The following NLRP7 variants were observed in gnomAD, a reference collection of about 807,000 sequenced individuals.
NLRP7 encodes the protein NLR family pyrin domain containing 7.
NLRP7 carries 72 observed loss-of-function variants against 85.5 expected under a neutral mutation model. The ratio of observed to expected loss-of-function variants is 0.84; its 90% CI spans 0.70 to 1.02. The LOEUF (loss-of-function observed/expected upper bound fraction) is 1.02. NLRP7 is among the 50% of genes least tolerant of loss of function. NLRP7 has a pLI of 0.00. For missense variants in NLRP7, 1,243 were observed against 1,219.5 expected, an observed-to-expected ratio of 1.02 and a Z score of -0.29; for synonymous variants, 550 against 505.2, an observed-to-expected ratio of 1.09 and a Z score of -1.19.
In NLRP7 at chr19:54,930,506, G is replaced by A. The variant is rs1476636367; in HGVS notation, c.2803C>T (p.His935Tyr). 1.2e-6 allele frequency: 2 copies of A among 1,605,354 alleles called. No homozygotes were observed. Among genetic ancestry groups the A allele is most frequent in the Admixed American group, 3.3e-5 (2 of 59,974 alleles). The change falls in exon 9 of 10, where the codon CAC becomes TAC. Residue 935 changes from histidine (H) to tyrosine (Y), a missense_variant. Coordinates refer to ENST00000340844, the Ensembl canonical transcript of NLRP7. ...AAAAAGAAAATCGCCTACCGTAGGT[G>A]TTTTAGGTTACAGTTTGGATTCTCT...
chr19:54,943,387 G>A (rs935260801), intron 1 of NLRP7, among the ~76,000 whole-genome samples: 1 of 152,100 alleles, frequency 6.6e-6, no homozygotes, highest in Non-Finnish European at 1.5e-5. Context: ...GGATCACGAG[G>A]TCAGGAGATC....
At chr19:54,954,993 A>G (rs950858499) in intron 1 of NLRP7, among the ~76,000 whole-genome samples, 1 of 152,062 alleles carries the variant, frequency 6.6e-6, no homozygotes, top group Admixed American at 6.6e-5. Flanking sequence ...ATGAGATTCA[A>G]GAACCCACCA....
rs142522707 is a variant in NLRP7 at position 54,933,714 on chromosome 19, C to T, written c.2497G>A (p.Ala833Thr). The T allele has an allele frequency of 6.1e-5, 99 of 1,614,166 alleles. No homozygotes were observed. In the African/African-American group the frequency reaches 1.2e-3, roughly 19 times the overall value. ...ACAGCAGCAAGGTCCTTGCAACTGG[C>T]TTCTGTAAGACGACAGTTTTCCAAC... is the stretch of plus-strand genomic sequence containing the variant. The change falls in exon 8 of 10, where the codon GCC (alanine) becomes ACC (threonine). Residue 833 changes from alanine (A) to threonine (T), a missense_variant. Physicochemically the swap from Ala to Thr is moderately conservative, Grantham distance 58. Around this residue, in one of 3 missense-constraint regions of NLRP7, gnomAD observed 613 missense variants for 588.4 expected, o/e 1.04. Transcript: ENST00000340844.
chr19:54,929,556 G>A (rs923753412), intron 9 of NLRP7, among the ~76,000 whole-genome samples: 1 of 152,084 alleles, frequency 6.6e-6, no homozygotes, highest in African/African-American at 2.4e-5. Context: ...TTCCATTTGT[G>A]GAGACTTTGC....
chr19:54,943,169 G>A (rs1049462966), intron 1 of NLRP7, among the ~76,000 whole-genome samples: 2 of 151,902 alleles, frequency 1.3e-5, no homozygotes, highest in African/African-American at 4.8e-5. Context: ...ACTTAGCCAG[G>A]CCTGGTGGAA....
chr19:54,952,195 C>G (rs1041132629), upstream of NLRP7, among the ~76,000 whole-genome samples: 1 of 152,058 alleles, frequency 6.6e-6, no homozygotes, highest in African/African-American at 2.4e-5. Flanking sequence ...AGTTTGAAGA[C>G]CCCAGTGAGG....
chr19:54,925,484 T>A (rs1018055493), intron 9 of NLRP7, among the ~76,000 whole-genome samples: 5 of 152,150 alleles, frequency 3.3e-5, no homozygotes, highest in Admixed American at 2.0e-4. Flanking sequence ...TACATGCGTA[T>A]CATCTCTACA....
chr19:54,939,895 G>T (rs377224552), exon 4 of NLRP7: 1 of 1,614,020 alleles, frequency 6.2e-7, no homozygotes, highest in East Asian at 2.2e-5. Context: ...GGAGCTGGAG[G>T]TCCCTCAGTG....
At chr19:54,936,320 C>T (rs752556910) in exon 6 of NLRP7, 3 of 1,614,066 alleles carry the variant, frequency 1.9e-6, no homozygotes, top group South Asian at 1.1e-5. Flanking sequence ...TCAGCATCAT[C>T]GTGCGTTCCC....
intron 1 of NLRP7, among the ~76,000 whole-genome samples, chr19:54,957,563 T>G (rs552891708): frequency 6.6e-6 from 1 of 152,042 alleles, no homozygotes; most frequent in South Asian, 2.1e-4. Context: ...CAGGCTGGTC[T>G]CAAACTCCTG....
chr19:54,923,646 G>C, exon 10 of NLRP7: 8 of 1,376,710 alleles, frequency 5.8e-6, no homozygotes, highest in Non-Finnish European at 8.2e-6. Context: ...ACAGACTCTA[G>C]TGTTAACATG....
intron 1 of NLRP7, among the ~76,000 whole-genome samples, chr19:54,962,747 C>T (rs1017024920): frequency 6.6e-6 from 1 of 150,922 alleles, no homozygotes; most frequent in African/African-American, 2.4e-5. Flanking sequence ...CTACAGGCGC[C>T]CGCCACCACG....
At chr19:54,951,712 T>C (rs1019776294), upstream of NLRP7, among the ~76,000 whole-genome samples, 2 of 152,240 alleles carry the variant, frequency 1.3e-5, no homozygotes, top group East Asian at 3.9e-4. Flanking sequence ...CTCCTCATCA[T>C]TGCTGTAGAT....
chr19:54,931,509 GA>G (rs1260790047), intron 8 of NLRP7, among the ~76,000 whole-genome samples: 1 of 152,040 alleles, frequency 6.6e-6, no homozygotes. Context: ...AAGCAATATG[GA>G]GAAACCCGTC....
At chr19:54,941,531 T>C (rs767983259) in exon 2 of NLRP7, 2 of 1,613,876 alleles carry the variant, frequency 1.2e-6, no homozygotes, top group South Asian at 1.1e-5. Flanking sequence ...TCTGAGGAGG[T>C]GTTGACCAGA....
chr19:54,940,359 T>C, exon 4 of NLRP7: 4 of 1,614,062 alleles, frequency 2.5e-6, no homozygotes, highest in Non-Finnish European at 3.4e-6. Context: ...AACCGTTGGT[T>C]TCTCAGAGTG....
intron 1 of NLRP7, among the ~76,000 whole-genome samples, chr19:54,960,238 C>T (rs1053530215): frequency 1.3e-5 from 2 of 151,832 alleles, no homozygotes; most frequent in African/African-American, 4.8e-5. Context: ...TCACTGCAAC[C>T]TCTGCTTCCC....
exon 2 of NLRP7, chr19:54,941,663 G>A (rs767641758): frequency 1.2e-6 from 2 of 1,613,828 alleles, no homozygotes; most frequent in African/African-American, 2.7e-5. Context: ...TCCTCGTTCA[G>A]CTGCTCCAGA....
chr19:54,947,030 C>G (rs2069505299), intron 1 of NLRP7, among the ~76,000 whole-genome samples: 1 of 152,006 alleles, frequency 6.6e-6, no homozygotes, highest in African/African-American at 2.4e-5. Context: ...GAATAGAAGT[C>G]CTTAAGACAT....
Sources: gnomAD v4.1 joint callset for allele counts (sites outside exome capture counted in the v4.1 genomes callset) on GRCh38, gnomAD v4.1.1 for gene constraint, gnomAD v4.1.1 regional missense constraint, MANE v1.5 for transcripts, NCBI Gene and HGNC (gene_info 2026-07-23, HGNC 2026-07-21) for gene names.